TBC1D5: variants seen among roughly 807,000 people sequenced by gnomAD.
TBC1D5 encodes the protein TBC1 domain family member 5, also known as TBC1 domain family, member 5.
TBC1D5 carries 75 observed loss-of-function variants against 100.3 expected under a neutral mutation model. The observed-to-expected ratio is 0.75, with a 90% CI of 0.62 to 0.91. The LOEUF is 0.91. TBC1D5 is among the 40% of genes least tolerant of loss of function. The pLI is 0.00. For missense variants in TBC1D5, 910 were observed against 942.4 expected (o/e 0.97, Z 0.45); for synonymous variants, 323 against 325.6 (o/e 0.99, Z 0.09).
chr3:17,693,495 G>C (rs1487548021), intron 1 of TBC1D5, among the ~76,000 whole-genome samples: 1 of 152,228 alleles, frequency 6.6e-6, no homozygotes, highest in Non-Finnish European at 1.5e-5. Context: ...GCAGCAGTCT[G>C]AGATTGAACC....
chr3:17,615,171 T>C (rs984756213), intron 2 of TBC1D5, among the ~76,000 whole-genome samples: 10 of 152,352 alleles, frequency 6.6e-5, no homozygotes, highest in Non-Finnish European at 1.3e-4. Flanking sequence ...GTTCTGTTTA[T>C]GTGATGAATT....
chr3:17,676,960 T>C (rs1023421403), intron 1 of TBC1D5, among the ~76,000 whole-genome samples: 1 of 152,186 alleles, frequency 6.6e-6, no homozygotes, highest in African/African-American at 2.4e-5. Context: ...TGGAGAAAGC[T>C]GAAACTGGAT....
At chr3:17,320,313 C>G (rs1005475441) in intron 13 of TBC1D5, among the ~76,000 whole-genome samples, 4 of 152,188 alleles carry the variant, frequency 2.6e-5, no homozygotes, top group Non-Finnish European at 4.4e-5. Flanking sequence ...AAAATTTGTT[C>G]AAACTGCAAA....
intron 15 of TBC1D5, among the ~76,000 whole-genome samples, chr3:17,284,427 C>A (rs1197817947): frequency 6.6e-6 from 1 of 152,072 alleles, no homozygotes; most frequent in Non-Finnish European, 1.5e-5. Flanking sequence ...ATATTATTAC[C>A]CTATTTGCGC....
intron 21 of TBC1D5, among the ~76,000 whole-genome samples, chr3:17,163,682 T>C (rs2066309543): frequency 1.3e-5 from 2 of 152,142 alleles, no homozygotes; most frequent in African/African-American, 2.4e-5. Context: ...AGCCCAACTA[T>C]AGACCAGCAG....
chr3:17,493,214 A>G (rs2095660977), intron 3 of TBC1D5, among the ~76,000 whole-genome samples: 1 of 152,214 alleles, frequency 6.6e-6, no homozygotes, highest in African/African-American at 2.4e-5. Context: ...CCAGATGTGA[A>G]ATTGTGGGTT....
At chr3:17,518,631 G>C (rs1028046117) in intron 2 of TBC1D5, among the ~76,000 whole-genome samples, 2 of 152,342 alleles carry the variant, frequency 1.3e-5, no homozygotes, top group South Asian at 4.1e-4. Context: ...CTGGACAAGA[G>C]CTCGGGAGCC....
chr3:17,466,092 A>C (rs922715858), intron 3 of TBC1D5, among the ~76,000 whole-genome samples: 2 of 152,246 alleles, frequency 1.3e-5, no homozygotes, highest in African/African-American at 4.8e-5. Flanking sequence ...ATTCTAGGGT[A>C]TCAACAGAGT....
intron 4 of TBC1D5, among the ~76,000 whole-genome samples, chr3:17,424,011 A>T (rs1334622042): frequency 6.6e-6 from 1 of 152,032 alleles, no homozygotes; most frequent in Non-Finnish European, 1.5e-5. Flanking sequence ...GTTATTTTCT[A>T]TATTGGGAAT....
chr3:17,374,386 T>C, intron 12 of TBC1D5, 85 bp downstream of exon 12: 2 of 1,302,232 alleles, frequency 1.5e-6, no homozygotes, highest in Non-Finnish European at 2.1e-6. Context: ...AAAGGCTATA[T>C]ACTATTCTTT....
intron 1 of TBC1D5, among the ~76,000 whole-genome samples, chr3:17,698,257 A>C (rs1221245529): frequency 6.6e-6 from 1 of 152,232 alleles, no homozygotes; most frequent in African/African-American, 2.4e-5. Flanking sequence ...CAACTATCTG[A>C]TCTTTGACAA....
chr3:17,612,502 C>T (rs962942237), intron 2 of TBC1D5, among the ~76,000 whole-genome samples: 6 of 151,574 alleles, frequency 4.0e-5, no homozygotes, highest in African/African-American at 9.7e-5. Flanking sequence ...TGGTGGCATG[C>T]GCCTGTAATC....
At chr3:17,295,757 A>C (rs1426922975) in intron 14 of TBC1D5, among the ~76,000 whole-genome samples, 1 of 152,082 alleles carries the variant, frequency 6.6e-6, no homozygotes, top group Non-Finnish European at 1.5e-5. Context: ...AAAACACGAA[A>C]CTCTATACAG....
At chr3:17,658,489 A>G (rs898795822) in intron 1 of TBC1D5, among the ~76,000 whole-genome samples, 2 of 152,158 alleles carry the variant, frequency 1.3e-5, no homozygotes, top group South Asian at 2.1e-4. Context: ...AGGGAAGGGT[A>G]TTAAAAGCAT....
chr3:17,356,393 C>T (rs531057918), intron 13 of TBC1D5, among the ~76,000 whole-genome samples: 4 of 152,238 alleles, frequency 2.6e-5, no homozygotes, highest in African/African-American at 9.6e-5. Context: ...CTTATCTGGC[C>T]TTCTAAGAAG....
intron 3 of TBC1D5, among the ~76,000 whole-genome samples, chr3:17,490,775 T>G (rs1377468403): frequency 6.6e-6 from 1 of 152,204 alleles, no homozygotes; most frequent in Non-Finnish European, 1.5e-5. Flanking sequence ...TCTTTTTGCT[T>G]AGGATTGTCT....
At chr3:17,548,859 GTATAAA>G (rs1363139129) in intron 2 of TBC1D5, among the ~76,000 whole-genome samples, 9 of 152,172 alleles carry the variant, frequency 5.9e-5, no homozygotes, top group Non-Finnish European at 1.3e-4. Flanking sequence ...GCCCATTGAA[GTATAAA>G]TTATAAGGTA....
intron 1 of TBC1D5, among the ~76,000 whole-genome samples, chr3:17,672,333 T>C (rs992642987): frequency 2.0e-5 from 3 of 152,220 alleles, no homozygotes. Context: ...AATAAGAATG[T>C]ATTTTTTTCA....
At chr3:17,462,520 T>C (rs1416500624) in intron 3 of TBC1D5, among the ~76,000 whole-genome samples, 6 of 152,158 alleles carry the variant, frequency 3.9e-5, no homozygotes, top group African/African-American at 1.2e-4. Context: ...GAGGTCTCAC[T>C]ATGTTGCCCA....
Sources: gnomAD v4.1 joint callset for allele counts (sites outside exome capture counted in the v4.1 genomes callset) on GRCh38, gnomAD v4.1.1 for gene constraint, MANE v1.5 for transcripts, NCBI Gene and HGNC (gene_info 2026-07-23, HGNC 2026-07-21) for gene names.